Variants in DLGAP2 observed in about 807,000 individuals in gnomAD.
DLGAP2 encodes the protein DLG associated protein 2.
In DLGAP2, 26 loss-of-function variants were observed where a neutral mutation model predicts 100.3. The ratio of observed to expected loss-of-function variants is 0.26; its 90% CI spans 0.19 to 0.36. The LOEUF (loss-of-function observed/expected upper bound fraction) is 0.36. Among genes scored for constraint, DLGAP2 ranks in the 10% least tolerant of loss-of-function variants. The probability of loss-of-function intolerance (pLI) is 1.00; values close to 1 mark genes in which losing one functional copy is unlikely to be tolerated. For synonymous variants in DLGAP2, 886 were observed against 630.1 expected, an observed-to-expected ratio of 1.41 and a Z score of -6.08; for missense variants, 1,858 against 1,453.2, an observed-to-expected ratio of 1.28 and a Z score of -4.53.
chr8:1,089,200 A>T (rs1804089913), intron 2 of DLGAP2, among the ~76,000 whole-genome samples: 1 of 152,016 alleles, frequency 6.6e-6, no homozygotes, highest in Non-Finnish European at 1.5e-5. Context: ...CAGGCTATGC[A>T]ATTGCTCTGG....
chr8:941,195 G>C (rs961299751), intron 2 of DLGAP2, among the ~76,000 whole-genome samples: 12 of 152,130 alleles, frequency 7.9e-5, no homozygotes, highest in African/African-American at 2.7e-4. Flanking sequence ...CTGGTCACCT[G>C]ATCTCAGCTG....
chr8:1,154,154 G>T (rs1226792253), intron 2 of DLGAP2, among the ~76,000 whole-genome samples: 1 of 152,166 alleles, frequency 6.6e-6, no homozygotes, highest in African/African-American at 2.4e-5. Context: ...TGTGGATATT[G>T]TAAAGATCGA....
intron 2 of DLGAP2, among the ~76,000 whole-genome samples, chr8:1,214,632 C>T (rs75892680): frequency 1.3e-5 from 2 of 152,178 alleles, no homozygotes; most frequent in African/African-American, 2.4e-5. Context: ...TGCTTCTTCC[C>T]TATTGTCTGT....
chr8:757,843 T>A (rs921353119), intron 1 of DLGAP2, among the ~76,000 whole-genome samples: 5 of 152,220 alleles, frequency 3.3e-5, no homozygotes, highest in Non-Finnish European at 5.9e-5. Flanking sequence ...TCCTCTCGTG[T>A]ATTTTAAACA....
At chr8:1,477,890 C>A (rs972569029) in intron 3 of DLGAP2, among the ~76,000 whole-genome samples, 9 of 152,082 alleles carry the variant, frequency 5.9e-5, no homozygotes, top group African/African-American at 2.2e-4. Context: ...GGCAGAGTGA[C>A]CCTGAGTCAT....
intron 3 of DLGAP2, among the ~76,000 whole-genome samples, chr8:1,389,746 C>T (rs747710179): frequency 2.0e-5 from 3 of 152,052 alleles, no homozygotes; most frequent in East Asian, 1.9e-4. Flanking sequence ...CTTAGGTGGC[C>T]GTGGAGCAGC....
chr8:1,352,805 T>G (rs533866207), intron 3 of DLGAP2, among the ~76,000 whole-genome samples: 1 of 152,236 alleles, frequency 6.6e-6, no homozygotes, highest in Non-Finnish European at 1.5e-5. Context: ...CCCCAGCCCC[T>G]ACCCAAGGTC....
At chr8:1,164,585 G>A (rs1796977764) in intron 2 of DLGAP2, among the ~76,000 whole-genome samples, 2 of 152,024 alleles carry the variant, frequency 1.3e-5, no homozygotes, top group Non-Finnish European at 2.9e-5. Flanking sequence ...CATATTCTAA[G>A]CCCAGATGCC....
intron 1 of DLGAP2, among the ~76,000 whole-genome samples, chr8:759,482 G>T (rs1821023157): frequency 6.6e-6 from 1 of 151,756 alleles, no homozygotes; most frequent in East Asian, 1.9e-4. Context: ...CAGCACTCCG[G>T]AGTCCACGGT....
intron 3 of DLGAP2, among the ~76,000 whole-genome samples, chr8:1,331,437 C>T (rs1330533920): frequency 1.3e-5 from 2 of 152,134 alleles, no homozygotes; most frequent in Admixed American, 6.5e-5. Flanking sequence ...GCAAACCTGC[C>T]CTCCTTCCAG....
chr8:1,163,128 C>T (rs954982750), intron 2 of DLGAP2, among the ~76,000 whole-genome samples: 1 of 152,204 alleles, frequency 6.6e-6, no homozygotes, highest in Non-Finnish European at 1.5e-5. Context: ...CTTGTCCCCT[C>T]CTCCTGTCCT....
chr8:1,033,262 G>A (rs769636785), intron 2 of DLGAP2, among the ~76,000 whole-genome samples: 1 of 152,108 alleles, frequency 6.6e-6, no homozygotes, highest in African/African-American at 2.4e-5. Context: ...CAGGCCCCTC[G>A]CCTCGTGATC....
In DLGAP2 at chr8:1,549,455, C is replaced by T. The variant is rs758951779; in HGVS notation, c.1002C>T (p.Pro334=). The T allele has an allele frequency of 6.2e-7, 1 of 1,613,482 alleles. No homozygotes were observed. The highest frequency in any genetic ancestry group is 8.5e-7 in the Non-Finnish European group (1 of 1,179,782). ...GCTACCCCGACGCGCTGCAGAGCCC[C>T]TTCGGGGACCTGTCCCTCAAGACCT... ...AHCYPDALQS[P]FGDLSLKTSK... The change falls in exon 5 of 15, where the codon CCC becomes CCT. Residue 334 remains proline, a synonymous_variant. Transcript: ENST00000637795.
intron 2 of DLGAP2, among the ~76,000 whole-genome samples, chr8:999,367 G>A (rs1563136076): frequency 6.6e-6 from 1 of 151,374 alleles, no homozygotes; most frequent in Non-Finnish European, 1.5e-5. Flanking sequence ...TTCCCTTGTT[G>A]AATTTAAGGT....
chr8:1,242,016 G>T (rs530638166), intron 2 of DLGAP2, among the ~76,000 whole-genome samples: 1 of 152,168 alleles, frequency 6.6e-6, no homozygotes, highest in South Asian at 2.1e-4. Flanking sequence ...GGAATGGTAC[G>T]CAGGTAGACT....
chr8:1,065,797 A>C (rs1414582724), intron 2 of DLGAP2, among the ~76,000 whole-genome samples: 2 of 152,132 alleles, frequency 1.3e-5, no homozygotes, highest in African/African-American at 2.4e-5. Flanking sequence ...GAAGCCCCCA[A>C]ATAGTTCTGT....
chr8:1,315,078 T>G (rs1800701330), intron 3 of DLGAP2, among the ~76,000 whole-genome samples: 1 of 151,912 alleles, frequency 6.6e-6, no homozygotes, highest in Non-Finnish European at 1.5e-5. Context: ...ACAAAAGAGG[T>G]TTTTTCAGAA....
At chr8:1,691,183 C>T (rs974256692) in intron 12 of DLGAP2, among the ~76,000 whole-genome samples, 6 of 152,212 alleles carry the variant, frequency 3.9e-5, no homozygotes, top group African/African-American at 1.4e-4. Context: ...ATGTTGCTTT[C>T]ACTCACACGT....
chr8:1,466,493 C>A (rs1235639378), intron 3 of DLGAP2, among the ~76,000 whole-genome samples: 1 of 150,812 alleles, frequency 6.6e-6, no homozygotes, highest in Non-Finnish European at 1.5e-5. Context: ...GTATCAGGTA[C>A]CAGGGTATAA....
Sources: allele counts gnomAD v4.1 joint callset (sites outside exome capture counted in the v4.1 genomes callset), GRCh38; gene constraint gnomAD v4.1.1; transcripts MANE v1.5; gene names NCBI Gene and HGNC (gene_info 2026-07-23, HGNC 2026-07-21).